The following OLFM2 variants were observed in gnomAD, a reference collection of about 807,000 sequenced individuals.
OLFM2 encodes the protein olfactomedin 2, also known as noelin-2.
A neutral mutation model predicts 43.9 loss-of-function variants in OLFM2; 20 were observed. The observed-to-expected ratio is 0.46, with a 90% CI of 0.32 to 0.66. The LOEUF is 0.66. Ranked by LOEUF, OLFM2 falls within the 30% of genes least tolerant of loss-of-function variation. The probability of loss-of-function intolerance (pLI) is 0.04; values close to 1 mark genes in which losing one functional copy is unlikely to be tolerated. For synonymous variants in OLFM2, 268 were observed against 278.6 expected, an observed-to-expected ratio of 0.96 and a Z score of 0.38; for missense variants, 416 against 643.6, an observed-to-expected ratio of 0.65 and a Z score of 3.83.
chr19:9,865,153 T>C (rs1009197894), intron 1 of OLFM2, among the ~76,000 whole-genome samples: 1 of 141,146 alleles, frequency 7.1e-6, no homozygotes, highest in Non-Finnish European at 1.5e-5. Flanking sequence ...CCACCTCCCT[T>C]CTTCTTCTTC....
At chr19:9,879,495 C>A (rs1042170771) in intron 1 of OLFM2, among the ~76,000 whole-genome samples, 4 of 152,176 alleles carry the variant, frequency 2.6e-5, no homozygotes, top group East Asian at 3.9e-4. Context: ...CTGCTCTGGC[C>A]GTGTAAAACC....
intron 1 of OLFM2, among the ~76,000 whole-genome samples, chr19:9,872,850 ACATCCATCCATCTATC>A (rs985819648): frequency 2.6e-5 from 4 of 152,012 alleles, no homozygotes; most frequent in Non-Finnish European, 5.9e-5. Context: ...CCATTTATAT[ACATCCATCCATCTATC>A]CATCCATCCA....
chr19:9,914,162 C>T (rs1457912474), intron 1 of OLFM2, among the ~76,000 whole-genome samples: 1 of 152,058 alleles, frequency 6.6e-6, no homozygotes, highest in Non-Finnish European at 1.5e-5. Context: ...AGCCGCGGGA[C>T]CCCGCGCGTA....
intron 1 of OLFM2, among the ~76,000 whole-genome samples, chr19:9,929,106 T>C (rs1480369891): frequency 3.9e-5 from 6 of 152,204 alleles, no homozygotes; most frequent in East Asian, 1.9e-4. Flanking sequence ...GACATGTCAA[T>C]GTTCTCAGAC....
At chr19:9,879,018 A>T (rs1236039786) in intron 1 of OLFM2, among the ~76,000 whole-genome samples, 1 of 151,604 alleles carries the variant, frequency 6.6e-6, no homozygotes, top group Non-Finnish European at 1.5e-5. Context: ...TTCAAATCTC[A>T]TGTCAAATTG....
rs977789959 is a variant in OLFM2, at chr19:9,928,760, G to C, written c.63+7544C>G. ...GCAGAGGTTGCAGTGAGATGAGATC[G>C]TGCCACTGCACTCCAGACTGGGCGA... On this transcript the variant is annotated intron_variant, in intron 1 of 5. Coordinates refer to ENST00000264833, the MANE Select transcript of OLFM2 (RefSeq NM_058164.4). Among the ~76,000 whole-genome samples the C allele has an allele frequency of 2.0e-5, 3 of 151,416 alleles. No individual in the cohort carries two copies. The East Asian group carries it at 5.8e-4, about 29-fold the overall frequency.
intron 1 of OLFM2, among the ~76,000 whole-genome samples, chr19:9,931,724 A>T (rs1263510761): frequency 6.6e-6 from 1 of 151,854 alleles, no homozygotes; most frequent in Non-Finnish European, 1.5e-5. Flanking sequence ...TAAAAAAAAA[A>T]AAAGAAATAA....
chr19:9,915,828 G>C (rs990414258), intron 1 of OLFM2, among the ~76,000 whole-genome samples: 2 of 152,268 alleles, frequency 1.3e-5, no homozygotes, highest in East Asian at 3.9e-4. Context: ...AGAAAGGGAC[G>C]TTTAAGCAGA....
At chr19:9,883,807 G>A (rs938877144) in intron 1 of OLFM2, among the ~76,000 whole-genome samples, 1 of 152,144 alleles carries the variant, frequency 6.6e-6, no homozygotes. Context: ...CACGATGTGT[G>A]CACGGGGGAC....
At chr19:9,894,085 G>A (rs1009758437) in intron 1 of OLFM2, among the ~76,000 whole-genome samples, 5 of 151,994 alleles carry the variant, frequency 3.3e-5, no homozygotes, top group Non-Finnish European at 7.4e-5. Context: ...TTGAGGCCAG[G>A]AGTTCGAGAC....
In OLFM2 at chr19:9,936,421, G is replaced by A. The variant is rs2145018227; in HGVS notation, c.-55C>T. ...CCGCCCGCCCTAGCGGCGCCTCGGCGCGGGGACCGCCACCAGGCGCGACCC... is the reference window on the plus strand; with the variant it reads ...CCGCCCGCCCTAGCGGCGCCTCGGCACGGGGACCGCCACCAGGCGCGACCC... On this transcript the variant is annotated 5_prime_UTR_variant, in exon 1 of 6. Coordinates refer to ENST00000264833, the MANE Select transcript of OLFM2 (RefSeq NM_058164.4). 5.1e-6 allele frequency: 6 copies of A among 1,165,080 alleles called. No individual in the cohort carries two copies. The highest frequency in any genetic ancestry group is 3.6e-4 in the Middle Eastern group (1 of 2,766). 72.2% of individuals were successfully genotyped at this position (1,165,080 alleles called of 1,614,324 possible). A position where few individuals can be genotyped will look rare whatever the true frequency, so the allele number is the denominator to read the frequency against.
intron 1 of OLFM2, among the ~76,000 whole-genome samples, chr19:9,890,579 T>C (rs1269870968): frequency 6.6e-6 from 1 of 152,230 alleles, no homozygotes; most frequent in African/African-American, 2.4e-5. Flanking sequence ...GATGGGGCTG[T>C]AGGACTTCCC....
chr19:9,894,064 G>A (rs145394704), intron 1 of OLFM2, among the ~76,000 whole-genome samples: 274 of 152,046 alleles, frequency 1.8e-3, no homozygotes, highest in African/African-American at 6.4e-3. Context: ...AGGCCAAGGC[G>A]GATGGATCAC....
chr19:9,888,467 T>C (rs1328330496), intron 1 of OLFM2, among the ~76,000 whole-genome samples: 1 of 146,516 alleles, frequency 6.8e-6, no homozygotes, highest in Non-Finnish European at 1.5e-5. Context: ...GAGGTTGCGG[T>C]GAGCTGAGAT....
At chr19:9,876,073 T>C (rs905916699) in intron 1 of OLFM2, among the ~76,000 whole-genome samples, 25 of 152,150 alleles carry the variant, frequency 1.6e-4, no homozygotes, top group African/African-American at 6.0e-4. Context: ...TGGGAGACAC[T>C]GGCCCCAATT....
At chr19:9,898,393 G>A (rs1280299912) in intron 1 of OLFM2, among the ~76,000 whole-genome samples, 1 of 151,720 alleles carries the variant, frequency 6.6e-6, no homozygotes, top group African/African-American at 2.4e-5. Flanking sequence ...GTGGTGGCGG[G>A]CGCCTGTAAT....
chr19:9,871,922 G>A (rs533087397), intron 1 of OLFM2, among the ~76,000 whole-genome samples: 8 of 152,308 alleles, frequency 5.3e-5, no homozygotes, highest in East Asian at 1.9e-4. Context: ...CAGGTCTACC[G>A]TGAATTTCTC....
At chr19:9,894,412 T>TAATAATAATAATAATAAAAAA (rs34379733) in intron 1 of OLFM2, among the ~76,000 whole-genome samples, 1 of 62,226 alleles carries the variant, frequency 1.6e-5, no homozygotes, top group African/African-American at 4.1e-5. Context: ...ATAATAATAA[T>TAATAATAATAATAATAAAAAA]AAATAAATAA....
In OLFM2 at chr19:9,854,561, G is replaced by A. The variant is rs556436542; in HGVS notation, c.990C>T (p.Ser330=). 2.8e-5 allele frequency: 45 copies of A among 1,613,830 alleles called. No individual in the cohort carries two copies. The highest frequency in any genetic ancestry group is 2.1e-4 in the African/African-American group (16 of 75,044). Residue 330 remains serine (S), a synonymous_variant, in exon 6 of 6, where the codon AGC becomes AGT. Transcript: ENST00000264833. The surrounding 1 kb of genome is among the most constrained non-coding windows in gnomAD (Gnocchi z 9.5). ...TGGTGGTGTACACAGCCCAGAGCCC[G>A]CTCTCGTCCACCATGAAGTCCATGT... ...FSDMDFMVDE[S]GLWAVYTTNQ... is the part of the protein sequence containing the mutation.
Sources: allele counts gnomAD v4.1 joint callset (sites outside exome capture counted in the v4.1 genomes callset), GRCh38; gene constraint gnomAD v4.1.1; non-coding constraint Gnocchi (gnomAD v3.1); transcripts MANE v1.5; gene names NCBI Gene and HGNC (gene_info 2026-07-23, HGNC 2026-07-21).